CNTNAP5: variants seen among roughly 807,000 people sequenced by gnomAD.
The protein encoded by CNTNAP5 is contactin-associated protein-like 5.
In CNTNAP5, 72 loss-of-function variants were observed where a neutral mutation model predicts 150.2. The ratio of observed to expected loss-of-function variants is 0.48; its 90% CI spans 0.40 to 0.58. The LOEUF is 0.58. Among genes scored for constraint, CNTNAP5 ranks in the 20% least tolerant of loss-of-function variants. The pLI is 0.00. For missense variants in CNTNAP5, 1,636 were observed against 1,626.2 expected, an observed-to-expected ratio of 1.01 and a Z score of -0.10; for synonymous variants, 672 against 619.8, an observed-to-expected ratio of 1.08 and a Z score of -1.25.
At chr2:124,658,803 C>T (rs376658515) in intron 13 of CNTNAP5, among the ~76,000 whole-genome samples, 11 of 152,118 alleles carry the variant, frequency 7.2e-5, no homozygotes, top group South Asian at 2.1e-4. Context: ...GATATGGAAA[C>T]GAAATTATAC....
At chr2:124,513,055 A>C (rs1465210774) in intron 8 of CNTNAP5, among the ~76,000 whole-genome samples, 1 of 152,164 alleles carries the variant, frequency 6.6e-6, no homozygotes, top group Non-Finnish European at 1.5e-5. Context: ...TTTGTTACTA[A>C]GTATGTATAT....
chr2:124,059,195 G>T (rs1411290184), intron 1 of CNTNAP5, among the ~76,000 whole-genome samples: 2 of 151,888 alleles, frequency 1.3e-5, no homozygotes, highest in African/African-American at 2.4e-5. Flanking sequence ...TACTTAGGTA[G>T]TAAAAGTTAT....
At chr2:124,455,127 A>T (rs1167113941) in intron 6 of CNTNAP5, among the ~76,000 whole-genome samples, 1 of 152,154 alleles carries the variant, frequency 6.6e-6, no homozygotes, top group Non-Finnish European at 1.5e-5. Context: ...CTTTGAAAAG[A>T]TAAATAAAAT....
chr2:124,504,159 C>T, intron 7 of CNTNAP5, 133 bp from the exon 8 acceptor site: 1 of 887,342 alleles, frequency 1.1e-6, no homozygotes, highest in Non-Finnish European at 1.7e-6. Flanking sequence ...ACATTTTTTT[C>T]TTCTTTAAGA....
chr2:124,761,671 A>T (rs1680958289), intron 14 of CNTNAP5, among the ~76,000 whole-genome samples: 1 of 152,008 alleles, frequency 6.6e-6, no homozygotes, highest in Admixed American at 6.6e-5. Context: ...ATGCTTTTTG[A>T]CTTGCTTGGC....
In CNTNAP5 at chr2:124,172,606, A is replaced by G. The variant is rs113576717; in HGVS notation, c.83-49099A>G. Among the ~76,000 whole-genome samples the G allele has an allele frequency of 8.1e-3, 1,239 of 152,038 alleles. 12 individuals are homozygous for G. Among genetic ancestry groups the G allele is most frequent in the African/African-American group, 0.028 (1,175 of 41,486 alleles). On this transcript the variant is annotated intron_variant, in intron 1 of 23. Transcript: ENST00000682447. Reference sequence around the variant, plus strand: ...TTTTAGTATTTTTAGTACAGACAGGATCTCGCCATGTTGCTCAAGCTGATC... The same window carrying G: ...TTTTAGTATTTTTAGTACAGACAGGGTCTCGCCATGTTGCTCAAGCTGATC...
Position 124,650,127 on chromosome 2 carries a change from G to A in CNTNAP5, c.2077+2169G>A, listed in dbSNP as rs138739357. 1.6e-3 allele frequency among the ~76,000 whole-genome samples: 246 copies of A among 152,268 alleles called. 4 individuals carry two copies. In the East Asian group the frequency reaches 0.037, roughly 23 times the overall value. Reference sequence around the variant, plus strand: ...ACACACCATATTTTTGTGCATGAGGGTCTTCATTAATCGTCTTTCCCCATG... The same window carrying A: ...ACACACCATATTTTTGTGCATGAGGATCTTCATTAATCGTCTTTCCCCATG... On this transcript the variant is annotated intron_variant, in intron 13 of 23. Transcript: ENST00000682447.
chr2:124,633,213 A>G (rs1204898348), intron 12 of CNTNAP5, among the ~76,000 whole-genome samples: 2 of 152,064 alleles, frequency 1.3e-5, no homozygotes, highest in South Asian at 2.1e-4. Flanking sequence ...CATTAACTCA[A>G]AAGTCCTCAA....
At chr2:124,459,498 C>T (rs1465012787) in intron 6 of CNTNAP5, among the ~76,000 whole-genome samples, 4 of 152,030 alleles carry the variant, frequency 2.6e-5, no homozygotes, top group Non-Finnish European at 5.9e-5. Context: ...CTCCTAATCC[C>T]AGCACTTTGG....
chr2:124,785,390 A>G (rs1681544103), intron 17 of CNTNAP5, among the ~76,000 whole-genome samples: 2 of 152,228 alleles, frequency 1.3e-5, no homozygotes. Context: ...ACTAACTAGA[A>G]TTTTTAGAAG....
intron 1 of CNTNAP5, among the ~76,000 whole-genome samples, chr2:124,027,113 T>C (rs1429024085): frequency 1.3e-5 from 2 of 152,222 alleles, no homozygotes; most frequent in Admixed American, 6.5e-5. Context: ...AGGGCCCTGG[T>C]TTAGAAATTA....
At chr2:124,207,116 CAT>C (rs1431563972) in intron 1 of CNTNAP5, among the ~76,000 whole-genome samples, 1 of 152,166 alleles carries the variant, frequency 6.6e-6, no homozygotes, top group African/African-American at 2.4e-5. Flanking sequence ...CTTCCTAACA[CAT>C]GTTACAGACT....
chr2:124,679,726 G>A (rs1483768843), intron 13 of CNTNAP5, among the ~76,000 whole-genome samples: 2 of 151,600 alleles, frequency 1.3e-5, no homozygotes, highest in African/African-American at 4.8e-5. Flanking sequence ...CACCATGCCT[G>A]GCTAATTTTT....
At chr2:124,517,981 T>G (rs1472392762) in intron 8 of CNTNAP5, among the ~76,000 whole-genome samples, 1 of 150,976 alleles carries the variant, frequency 6.6e-6, no homozygotes, top group Non-Finnish European at 1.5e-5. Flanking sequence ...GATGGAGGGT[T>G]GTGATGGTGA....
chr2:124,464,463 G>C (rs6735412), intron 6 of CNTNAP5, among the ~76,000 whole-genome samples: 149,135 of 152,262 alleles, frequency 0.98, 73,116 homozygotes, highest in East Asian at 1. Flanking sequence ...CAATTGCCTC[G>C]ACTCATTATT....
At chr2:124,326,334 C>A (rs910174340) in intron 3 of CNTNAP5, among the ~76,000 whole-genome samples, 1 of 152,134 alleles carries the variant, frequency 6.6e-6, no homozygotes, top group Non-Finnish European at 1.5e-5. Context: ...ACTTGTTTTT[C>A]AGCCAAGATC....
intron 3 of CNTNAP5, among the ~76,000 whole-genome samples, chr2:124,245,390 A>G (rs1294071928): frequency 1.3e-5 from 2 of 152,098 alleles, no homozygotes; most frequent in African/African-American, 4.8e-5. Context: ...TTAATTTTAA[A>G]TTAGAATTAA....
rs370208748 is a variant in CNTNAP5 at position 124,325,413 on chromosome 2, AT to A, written c.381+83021del. ...TGAGGTAGTGAGGAATTAAACTGGTATCATTACCACTAATGTGAAAGGGAGA... is the reference window on the plus strand; with the variant it reads ...TGAGGTAGTGAGGAATTAAACTGGTACATTACCACTAATGTGAAAGGGAGA... On this transcript the variant is annotated intron_variant, in intron 3 of 23. Transcript: ENST00000682447. Among the ~76,000 whole-genome samples the A allele has an allele frequency of 8.3e-4, 127 of 152,360 alleles. 1 individual carries two copies. In the East Asian group the frequency reaches 0.024, roughly 29 times the overall value.
chr2:124,245,111 A>C (rs2104772280), intron 3 of CNTNAP5, among the ~76,000 whole-genome samples: 1 of 152,296 alleles, frequency 6.6e-6, no homozygotes, highest in South Asian at 2.1e-4. Context: ...CCAACTCTTT[A>C]AGAATAATAT....
Sources: allele counts gnomAD v4.1 joint callset (sites outside exome capture counted in the v4.1 genomes callset), GRCh38; gene constraint gnomAD v4.1.1; transcripts MANE v1.5; gene names NCBI Gene and HGNC (gene_info 2026-07-23, HGNC 2026-07-21).